ZNF609: variants seen among roughly 807,000 people sequenced by gnomAD.
ZNF609 encodes the protein zinc finger protein 609.
A neutral mutation model predicts 109.5 loss-of-function variants in ZNF609; 11 were observed. That is an observed-to-expected ratio of 0.10 (90% CI 0.06 to 0.17). The LOEUF (loss-of-function observed/expected upper bound fraction) is 0.17, where lower values mean the gene tolerates loss of function less well. Among genes scored for constraint, ZNF609 ranks in the 10% least tolerant of loss-of-function variants. The probability of loss-of-function intolerance (pLI) is 1.00; values close to 1 mark genes in which losing one functional copy is unlikely to be tolerated. For missense variants in ZNF609, 1,559 were observed against 1,772.4 expected (o/e 0.88, Z 2.16); for synonymous variants, 646 against 662.0 (o/e 0.98, Z 0.37).
chr15:64,666,304 G>A (rs1054361948), intron 3 of ZNF609, among the ~76,000 whole-genome samples: 5 of 152,024 alleles, frequency 3.3e-5, no homozygotes, highest in African/African-American at 1.2e-4. Flanking sequence ...TGAGGCACAA[G>A]AATTGCTTGA....
intron 3 of ZNF609, among the ~76,000 whole-genome samples, chr15:64,632,924 C>G (rs1034481897): frequency 6.6e-6 from 1 of 151,766 alleles, no homozygotes; most frequent in Non-Finnish European, 1.5e-5. Context: ...AGGCACACAC[C>G]ACCATGCCCA....
At chr15:64,633,894 T>A (rs917547584) in intron 3 of ZNF609, among the ~76,000 whole-genome samples, 85 of 151,264 alleles carry the variant, frequency 5.6e-4, no homozygotes, top group African/African-American at 1.8e-3. Context: ...AAAAAAAAAA[T>A]TATTAAAAAA....
At chr15:64,538,976 A>G (rs1323367878) in intron 2 of ZNF609, among the ~76,000 whole-genome samples, 1 of 152,068 alleles carries the variant, frequency 6.6e-6, no homozygotes, top group African/African-American at 2.4e-5. Flanking sequence ...CTGGGGCTAC[A>G]TGCATGCACC....
chr15:64,581,065 G>T (rs1005861237), intron 2 of ZNF609, among the ~76,000 whole-genome samples: 4 of 142,816 alleles, frequency 2.8e-5, no homozygotes, highest in African/African-American at 1.1e-4. Context: ...TGCCCAGGCT[G>T]GTTCAGTGGC....
intron 2 of ZNF609, among the ~76,000 whole-genome samples, chr15:64,584,394 G>A (rs781471472): frequency 3.9e-5 from 6 of 152,034 alleles, no homozygotes; most frequent in Admixed American, 6.6e-5. Context: ...GTCCAGTGGC[G>A]TGATCTCTAC....
intron 3 of ZNF609, chr15:64,643,866 C>A (rs1451871739): frequency 6.6e-6 from 1 of 152,102 alleles, no homozygotes; most frequent in Non-Finnish European, 1.5e-5. Flanking sequence ...GAGGCTGAGG[C>A]AAGAGGATCA....
At chr15:64,462,317 A>G (rs1457162111) in intron 1 of ZNF609, among the ~76,000 whole-genome samples, 2 of 152,256 alleles carry the variant, frequency 1.3e-5, no homozygotes, top group Non-Finnish European at 2.9e-5. Flanking sequence ...GGTAGACTCA[A>G]CTACGATGTT....
intron 3 of ZNF609, among the ~76,000 whole-genome samples, chr15:64,659,726 A>G (rs1896546040): frequency 6.6e-6 from 1 of 152,274 alleles, no homozygotes; most frequent in South Asian, 2.1e-4. Flanking sequence ...CATCAAGAAA[A>G]TTTTAAAATA....
intron 3 of ZNF609, among the ~76,000 whole-genome samples, chr15:64,645,602 T>C (rs190474408): frequency 6.6e-6 from 1 of 152,142 alleles, no homozygotes; most frequent in Non-Finnish European, 1.5e-5. Context: ...AGAATAAAGA[T>C]AGAATGAGAG....
intron 2 of ZNF609, among the ~76,000 whole-genome samples, chr15:64,515,904 C>G (rs1047809713): frequency 1.3e-5 from 2 of 150,266 alleles, no homozygotes; most frequent in African/African-American, 2.5e-5. Context: ...CGCCATTGCA[C>G]TCCAGCTTGG....
chr15:64,680,552 G>T, intron 7 of ZNF609, 94 bp from the exon 8 acceptor site: 1 of 1,300,674 alleles, frequency 7.7e-7, no homozygotes. Context: ...GGCACCCTGG[G>T]CATCTCACTT....
chr15:64,527,698 A>G lies in ZNF609; in HGVS notation c.747+27532A>G, dbSNP rs558093448. The stretch of plus-strand genomic sequence containing the variant: ...TCTCCAGTACTTTCTCAGTGTTAGT[A>G]CTGGGAATACTTCTGCCCAGTCACC... On this transcript the variant is annotated intron_variant, in intron 2 of 9. Transcript: ENST00000326648. 2.0e-5 allele frequency among the ~76,000 whole-genome samples: 3 copies of G among 152,250 alleles called. No homozygotes were observed. In the South Asian group the frequency reaches 6.2e-4, roughly 32 times the overall value.
intron 2 of ZNF609, among the ~76,000 whole-genome samples, chr15:64,612,991 G>A (rs1032853387): frequency 6.6e-6 from 1 of 151,702 alleles, no homozygotes; most frequent in African/African-American, 2.4e-5. Flanking sequence ...CTCCAGCCTG[G>A]GCAACAGAGT....
intron 2 of ZNF609, among the ~76,000 whole-genome samples, chr15:64,525,162 A>G (rs1190287705): frequency 6.6e-6 from 1 of 152,190 alleles, no homozygotes; most frequent in Non-Finnish European, 1.5e-5. Context: ...GGTTCTTTGT[A>G]AGAATATATT....
At chr15:64,585,452 T>C (rs1245227817) in intron 2 of ZNF609, among the ~76,000 whole-genome samples, 4 of 152,226 alleles carry the variant, frequency 2.6e-5, no homozygotes, top group Non-Finnish European at 5.9e-5. Flanking sequence ...TTGTTGCTGT[T>C]GTCTTTAGCT....
intron 3 of ZNF609, among the ~76,000 whole-genome samples, chr15:64,650,889 G>GT (rs1329383790): frequency 1.3e-5 from 2 of 149,670 alleles, no homozygotes; most frequent in Non-Finnish European, 3.0e-5. Flanking sequence ...TGTGTTGATG[G>GT]GTGGGGGGGG....
rs141207995 is a variant in ZNF609 at position 64,539,918 on chromosome 15, T to C, written c.747+39752T>C. Reference sequence around the variant, plus strand: ...TCCCAAAGTGCTGGGATTACGGGCCTGAGCCACTGCGCCCAGCCTTTTTTC... The same window carrying C: ...TCCCAAAGTGCTGGGATTACGGGCCCGAGCCACTGCGCCCAGCCTTTTTTC... On this transcript the variant is annotated intron_variant, in intron 2 of 9. Transcript: ENST00000326648. Among the ~76,000 whole-genome samples the C allele has an allele frequency of 8.5e-3, 1,290 of 152,268 alleles. 20 individuals carry two copies. The highest frequency in any genetic ancestry group is 0.03 in the African/African-American group (1,241 of 41,566).
intron 2 of ZNF609, among the ~76,000 whole-genome samples, chr15:64,604,039 C>T (rs557013164): frequency 2.0e-5 from 3 of 151,448 alleles, no homozygotes; most frequent in Non-Finnish European, 2.9e-5. Flanking sequence ...TGAAATGTCA[C>T]CTGCCTCTCC....
At chr15:64,633,104 G>T (rs569843652) in intron 3 of ZNF609, among the ~76,000 whole-genome samples, 103 of 143,248 alleles carry the variant, frequency 7.2e-4, no homozygotes, top group Admixed American at 1.0e-3. Context: ...GTATTGTTTT[G>T]TTTTTTTTTT....
Sources: allele counts gnomAD v4.1 joint callset (sites outside exome capture counted in the v4.1 genomes callset), GRCh38; gene constraint gnomAD v4.1.1; transcripts MANE v1.5; gene names NCBI Gene and HGNC (gene_info 2026-07-23, HGNC 2026-07-21).